The following LHFPL4 variants were observed in gnomAD, a reference collection of about 807,000 sequenced individuals.
LHFPL4 encodes LHFPL tetraspan subfamily member 4 protein.
LHFPL4 carries 6 observed loss-of-function variants against 20.0 expected under a neutral mutation model. That is an observed-to-expected ratio of 0.30 (90% CI 0.16 to 0.59). The LOEUF (loss-of-function observed/expected upper bound fraction) is 0.59. LHFPL4 is among the 20% of genes least tolerant of loss of function. The probability of loss-of-function intolerance (pLI) is 0.88; values close to 1 mark genes in which losing one functional copy is unlikely to be tolerated. For synonymous variants in LHFPL4, 129 were observed against 143.8 expected, an observed-to-expected ratio of 0.90 and a Z score of 0.74; for missense variants, 215 against 331.2, an observed-to-expected ratio of 0.65 and a Z score of 2.72.
intron 2 of LHFPL4, among the ~76,000 whole-genome samples, chr3:9,538,205 C>G (rs2648405): frequency 0.04 from 6,045 of 152,260 alleles, 154 homozygotes; most frequent in Non-Finnish European, 0.059. Flanking sequence ...CTCCTCCCAT[C>G]AAGCCTCCAA....
chr3:9,537,438 G>T (rs556128823), intron 2 of LHFPL4, among the ~76,000 whole-genome samples: 3 of 152,258 alleles, frequency 2.0e-5, no homozygotes, highest in South Asian at 4.1e-4. Context: ...ATCACTTTGT[G>T]CAGTAATTAT....
rs1315085022 is a variant in LHFPL4, at chr3:9,500,274, C to G, written c.*1937G>C. On this transcript the variant is annotated 3_prime_UTR_variant, in exon 4 of 4. Transcript: ENST00000287585. ...ACTCCCTCCTACCCCAACTCCCTCC[C>G]ACGGGGCTCCCGCATCCTCCCGCAT... 2 of 152,540 alleles carry G rather than the reference C, an allele frequency of 1.3e-5. No homozygotes were observed. Among genetic ancestry groups the G allele is most frequent in the African/African-American group, 4.8e-5 (2 of 41,448 alleles). The allele number at this position is 152,540 out of a possible 1,614,324, so 9.4% of individuals were successfully genotyped here.
At chr3:9,519,171 T>C (rs2046322853) in intron 2 of LHFPL4, among the ~76,000 whole-genome samples, 1 of 152,142 alleles carries the variant, frequency 6.6e-6, no homozygotes, top group South Asian at 2.1e-4. Flanking sequence ...ACTCCTGACC[T>C]CAGGCAATCC....
chr3:9,550,066 C>G (rs543099790), intron 2 of LHFPL4, among the ~76,000 whole-genome samples: 15 of 152,138 alleles, frequency 9.9e-5, no homozygotes, highest in Middle Eastern at 3.4e-3. Flanking sequence ...CTACCTGCTC[C>G]CAGTCCCCTA....
intron 2 of LHFPL4, among the ~76,000 whole-genome samples, chr3:9,534,408 C>T (rs999047685): frequency 6.6e-6 from 1 of 152,016 alleles, no homozygotes; most frequent in African/African-American, 2.4e-5. Flanking sequence ...CTCTGGATAC[C>T]CTGCTAAGTG....
At chr3:9,504,095 G>A (rs1006417693) in intron 3 of LHFPL4, among the ~76,000 whole-genome samples, 44 of 152,110 alleles carry the variant, frequency 2.9e-4, no homozygotes, top group Admixed American at 2.8e-3. Context: ...ACTCAGCCGG[G>A]TGTGCTGGCT....
At chr3:9,508,364 T>C (rs2648424) in intron 2 of LHFPL4, among the ~76,000 whole-genome samples, 145,966 of 152,102 alleles carry the variant, frequency 0.96, 70,089 homozygotes, top group Middle Eastern at 1. Context: ...ATGCTCCTCC[T>C]CCAAGTCAAT....
rs1333595590 is a variant in LHFPL4 at position 9,553,765 on chromosome 3, C to G, written c.-249G>C. ...TCGGCGCTCCCAGCAGCGGCTGCCT[C>G]GGCCCAGGCGGCGGCCTCTGCGCGG... On this transcript the variant is annotated 5_prime_UTR_variant, in exon 1 of 4. Coordinates refer to ENST00000287585, the MANE Select transcript of LHFPL4 (RefSeq NM_198560.3). 2 of 150,632 alleles carry G rather than the reference C, an allele frequency of 1.3e-5. No homozygotes were observed. Among genetic ancestry groups the G allele is most frequent in the African/African-American group, 4.8e-5 (2 of 41,262 alleles). 9.3% of individuals were successfully genotyped at this position (150,632 alleles called of 1,614,324 possible).
intron 2 of LHFPL4, among the ~76,000 whole-genome samples, chr3:9,531,033 G>A (rs962341861): frequency 6.6e-6 from 1 of 152,192 alleles, no homozygotes; most frequent in Admixed American, 6.5e-5. Context: ...AAAGCCAAAG[G>A]AGGGAGAGAG....
In LHFPL4 at chr3:9,506,300, G is replaced by A; in HGVS notation, c.407-97C>T. Reference sequence around the variant, plus strand: ...CGCAGTCTGGGCCCCACCCTATTGAGGGCACATCAACCCAACCACGTGCTT... The same window carrying A: ...CGCAGTCTGGGCCCCACCCTATTGAAGGCACATCAACCCAACCACGTGCTT... On this transcript the variant is annotated intron_variant, in intron 2 of 3. Coordinates refer to ENST00000287585, the MANE Select transcript of LHFPL4 (RefSeq NM_198560.3). The surrounding 1 kb of genome is among the most constrained non-coding windows in gnomAD (Gnocchi z 4.5). 1 of 963,140 alleles carries A rather than the reference G, an allele frequency of 1.0e-6. No individual in the cohort carries two copies. The allele number at this position is 963,140 out of a possible 1,614,324, so 59.7% of individuals were successfully genotyped here.
intron 2 of LHFPL4, among the ~76,000 whole-genome samples, chr3:9,515,176 C>T (rs980922768): frequency 1.3e-5 from 2 of 152,162 alleles, no homozygotes; most frequent in Admixed American, 1.3e-4. Flanking sequence ...TGTCAGTGTT[C>T]TGGATGTTGG....
intron 2 of LHFPL4, among the ~76,000 whole-genome samples, chr3:9,520,874 T>A (rs1009647845): frequency 6.6e-6 from 1 of 152,158 alleles, no homozygotes; most frequent in Non-Finnish European, 1.5e-5. Context: ...GAAGAATGTG[T>A]ATCCTGCTGC....
At chr3:9,538,660 G>A (rs563816024) in intron 2 of LHFPL4, among the ~76,000 whole-genome samples, 44 of 151,596 alleles carry the variant, frequency 2.9e-4, no homozygotes, top group African/African-American at 1.1e-3. Flanking sequence ...AGAGCACTTA[G>A]TTGGTAACAC....
intron 2 of LHFPL4, among the ~76,000 whole-genome samples, chr3:9,513,117 T>C (rs1046033806): frequency 6.6e-6 from 1 of 151,676 alleles, no homozygotes; most frequent in Non-Finnish European, 1.5e-5. Context: ...CCGCCACTAC[T>C]CCCGGCTAAT....
intron 2 of LHFPL4, among the ~76,000 whole-genome samples, chr3:9,526,750 A>AC (rs113296599): frequency 0.041 from 6,297 of 152,216 alleles, 175 homozygotes; most frequent in Non-Finnish European, 0.061. Flanking sequence ...AAACACACAC[A>AC]CACGTGAAGA....
At chr3:9,538,327 C>T (rs1677254902) in intron 2 of LHFPL4, among the ~76,000 whole-genome samples, 1 of 152,182 alleles carries the variant, frequency 6.6e-6, no homozygotes, top group South Asian at 2.1e-4. Flanking sequence ...AAGACCCGAA[C>T]TCCAAAGCCA....
At chr3:9,511,425 G>A (rs1415594146) in intron 2 of LHFPL4, among the ~76,000 whole-genome samples, 7 of 152,086 alleles carry the variant, frequency 4.6e-5, no homozygotes, top group African/African-American at 9.7e-5. Flanking sequence ...GAGGCTCAGA[G>A]GCACCAGGTG....
At chr3:9,527,211 T>A (rs1019550669) in intron 2 of LHFPL4, among the ~76,000 whole-genome samples, 5 of 152,192 alleles carry the variant, frequency 3.3e-5, no homozygotes, top group African/African-American at 1.2e-4. Flanking sequence ...GGGACTTTAG[T>A]CTTTTTGTAA....
At chr3:9,546,589 A>C (rs1045136350) in intron 2 of LHFPL4, among the ~76,000 whole-genome samples, 1 of 152,192 alleles carries the variant, frequency 6.6e-6, no homozygotes, top group Non-Finnish European at 1.5e-5. Flanking sequence ...CTCTGTCACC[A>C]TGAACTTGTC....
Sources: gnomAD v4.1 joint callset for allele counts (sites outside exome capture counted in the v4.1 genomes callset) on GRCh38, gnomAD v4.1.1 for gene constraint, Gnocchi (gnomAD v3.1) non-coding constraint, MANE v1.5 for transcripts, NCBI Gene and HGNC (gene_info 2026-07-23, HGNC 2026-07-21) for gene names.